The following ARFGEF1 variants were observed in gnomAD, a reference collection of about 807,000 sequenced individuals.
ARFGEF1 encodes ARF guanine nucleotide exchange factor 1, also known as brefeldin A-inhibited guanine nucleotide-exchange protein 1.
Under a neutral mutation model 231.0 loss-of-function variants are expected in ARFGEF1, and 42 were observed. The ratio of observed to expected loss-of-function variants is 0.18; its 90% CI spans 0.14 to 0.24. ARFGEF1 has a LOEUF of 0.24. ARFGEF1 is among the 10% of genes least tolerant of loss of function. The pLI, the probability that ARFGEF1 is intolerant of heterozygous loss-of-function variation, is 1.00. For missense variants in ARFGEF1, 1,345 were observed against 2,192.0 expected (o/e 0.61, Z 7.72); for synonymous variants, 710 against 732.3 (o/e 0.97, Z 0.49).
chr8:67,263,735 C>T (rs186107994), intron 14 of ARFGEF1, among the ~76,000 whole-genome samples: 1 of 152,254 alleles, frequency 6.6e-6, no homozygotes, highest in East Asian at 1.9e-4. Context: ...CCCCCTACCC[C>T]TAGAAGCTCT....
intron 29 of ARFGEF1, among the ~76,000 whole-genome samples, chr8:67,222,208 C>CATATATATATACATAT (rs1563846440): frequency 7.5e-6 from 1 of 132,672 alleles, no homozygotes; most frequent in African/African-American, 3.0e-5. Flanking sequence ...TATATATACA[C>CATATATATATACATAT]ACACATATAT....
At position 67,321,874 on chromosome 8, in the gene ARFGEF1, T is replaced by C. The variant is rs193071371; in HGVS notation, c.125-19408A>G. On this transcript the variant is annotated intron_variant, in intron 1 of 38. Transcript: ENST00000262215. ...TACTGGCTCTAATCCATCTTCTACA[T>C]AGTGCCAGAGTGATCATGACAAAGA... 2.1e-4 allele frequency among the ~76,000 whole-genome samples: 32 copies of C among 152,316 alleles called. No homozygotes were observed. The East Asian group carries it at 2.7e-3, about 13-fold the overall frequency.
intron 15 of ARFGEF1, among the ~76,000 whole-genome samples, chr8:67,258,835 A>ACC (rs1840549537): frequency 6.6e-6 from 1 of 151,860 alleles, no homozygotes. Context: ...ACACACACAC[A>ACC]CACACACACA....
At chr8:67,304,272 A>G (rs1047031390) in intron 1 of ARFGEF1, among the ~76,000 whole-genome samples, 2 of 152,214 alleles carry the variant, frequency 1.3e-5, no homozygotes, top group African/African-American at 4.8e-5. Flanking sequence ...TTATTCATAC[A>G]ATACATACAA....
intron 1 of ARFGEF1, among the ~76,000 whole-genome samples, chr8:67,337,787 T>C (rs151195352): frequency 4.6e-5 from 7 of 152,310 alleles, no homozygotes; most frequent in South Asian, 2.1e-4. Flanking sequence ...CCCTTTAACC[T>C]TCTGAACTCT....
chr8:67,309,809 G>C (rs1047276184), intron 1 of ARFGEF1, among the ~76,000 whole-genome samples: 35 of 152,140 alleles, frequency 2.3e-4, no homozygotes, highest in Admixed American at 1.3e-4. Context: ...CAACGTTTCT[G>C]ACTGCAAACC....
At chr8:67,237,933 C>T (rs551183888) in intron 22 of ARFGEF1, among the ~76,000 whole-genome samples, 3 of 152,240 alleles carry the variant, frequency 2.0e-5, no homozygotes, top group South Asian at 2.1e-4. Flanking sequence ...TCATATTGAG[C>T]GCATGGGGAG....
intron 1 of ARFGEF1, among the ~76,000 whole-genome samples, chr8:67,322,866 C>G (rs1481249167): frequency 6.6e-6 from 1 of 152,230 alleles, no homozygotes; most frequent in Non-Finnish European, 1.5e-5. Flanking sequence ...CTTCAATCTG[C>G]TCCTTAACAG....
intron 10 of ARFGEF1, among the ~76,000 whole-genome samples, chr8:67,269,631 G>A (rs1369257658): frequency 6.6e-6 from 1 of 152,072 alleles, no homozygotes; most frequent in African/African-American, 2.4e-5. Flanking sequence ...GATTACAGGT[G>A]TGAGCCACTG....
chr8:67,195,366 C>T (rs773828395), downstream of ARFGEF1: 13 of 1,595,252 alleles, frequency 8.1e-6, no homozygotes, highest in Non-Finnish European at 1.0e-5. Flanking sequence ...AGCCACGTGT[C>T]CCTTGCCTCC....
At chr8:67,290,965 A>AG (rs1805982297) in intron 6 of ARFGEF1, among the ~76,000 whole-genome samples, 1 of 152,174 alleles carries the variant, frequency 6.6e-6, no homozygotes, top group African/African-American at 2.4e-5. Context: ...ATGGTTTTAA[A>AG]AAAAAAAAAT....
chr8:67,252,953 G>C (rs1840343522), intron 18 of ARFGEF1, among the ~76,000 whole-genome samples: 1 of 152,134 alleles, frequency 6.6e-6, no homozygotes, highest in African/African-American at 2.4e-5. Flanking sequence ...AAATGACAAG[G>C]GTTGAAGCCT....
At chr8:67,187,015 AATCT>A (rs1554622826) in intron 5 of ARFGEF1, among the ~76,000 whole-genome samples, 10 of 143,090 alleles carry the variant, frequency 7.0e-5, no homozygotes, top group East Asian at 6.4e-4. Flanking sequence ...CTATCTATCT[AATCT>A]ATCTATCTAG....
intron 7 of ARFGEF1, among the ~76,000 whole-genome samples, chr8:67,287,036 T>C (rs1278623253): frequency 3.9e-5 from 6 of 152,216 alleles, no homozygotes; most frequent in African/African-American, 1.2e-4. Flanking sequence ...AAACACTACC[T>C]GTGCAGGAAA....
intron 1 of ARFGEF1, among the ~76,000 whole-genome samples, chr8:67,324,521 C>A (rs1015231335): frequency 6.6e-6 from 1 of 152,190 alleles, no homozygotes. Flanking sequence ...AGTGATTCCT[C>A]TATAAAGCTG....
intron 23 of ARFGEF1, among the ~76,000 whole-genome samples, chr8:67,231,340 T>G (rs1195304621): frequency 6.6e-6 from 1 of 152,086 alleles, no homozygotes; most frequent in Non-Finnish European, 1.5e-5. Context: ...AAATTTGATA[T>G]TGGATTTATG....
intron 29 of ARFGEF1, among the ~76,000 whole-genome samples, chr8:67,221,986 G>A (rs1839180696): frequency 6.7e-6 from 1 of 149,240 alleles, no homozygotes; most frequent in South Asian, 2.1e-4. Context: ...GCTAATTTTT[G>A]GTATTTTTAG....
chr8:67,312,559 T>C (rs772428446), intron 1 of ARFGEF1, among the ~76,000 whole-genome samples: 13 of 152,136 alleles, frequency 8.5e-5, no homozygotes, highest in Non-Finnish European at 1.5e-4. Context: ...CACCACAAGA[T>C]CTGTCCTAAA....
chr8:67,271,021 T>A (rs1415346121), intron 10 of ARFGEF1, among the ~76,000 whole-genome samples: 3 of 80,868 alleles, frequency 3.7e-5, no homozygotes, highest in Non-Finnish European at 6.5e-5. Flanking sequence ...GGAAACTCCA[T>A]CTCCAAAAAA....
Sources: allele counts gnomAD v4.1 joint callset (sites outside exome capture counted in the v4.1 genomes callset), GRCh38; gene constraint gnomAD v4.1.1; transcripts MANE v1.5; gene names NCBI Gene and HGNC (gene_info 2026-07-23, HGNC 2026-07-21).